The following LRP5 variants were observed in gnomAD, a reference collection of about 807,000 sequenced individuals.
LRP5 encodes the protein low-density lipoprotein receptor-related protein 5.
In LRP5, 62 loss-of-function variants were observed where a neutral mutation model predicts 154.1. The observed-to-expected ratio is 0.40, with a 90% CI of 0.33 to 0.50. The LOEUF (loss-of-function observed/expected upper bound fraction) is 0.50, where lower values mean the gene tolerates loss of function less well. LRP5 is among the 20% of genes least tolerant of loss of function. The pLI is 0.55. For synonymous variants in LRP5, 966 were observed against 1,011.5 expected (o/e 0.96, Z 0.85); for missense variants, 1,915 against 2,336.7 (o/e 0.82, Z 3.72).
chr11:68,321,761 C>T (rs1164999926), intron 1 of LRP5, among the ~76,000 whole-genome samples: 1 of 152,218 alleles, frequency 6.6e-6, no homozygotes, highest in Non-Finnish European at 1.5e-5. Context: ...AATCCCAGAG[C>T]AAAATGTGGG....
At chr11:68,359,864 A>G (rs2098626257) in intron 3 of LRP5, among the ~76,000 whole-genome samples, 1 of 149,920 alleles carries the variant, frequency 6.7e-6, no homozygotes. Flanking sequence ...TTGGCTAACT[A>G]CAACCTCCAC....
At position 68,433,651 on chromosome 11, in the gene LRP5, C is replaced by T. The variant is rs751002704; in HGVS notation, c.3813C>T (p.Ile1271=). ...PDQFACATGE[I]DCIPGAWRCD... ...AGTTTGCATGTGCCACAGGGGAGAT[C>T]GACTGTATCCCCGGGGCCTGGCGCT... Residue 1271 remains isoleucine, a synonymous_variant, in exon 18 of 23, where the codon ATC becomes ATT. Coordinates refer to ENST00000294304, the MANE Select transcript of LRP5 (RefSeq NM_002335.4). 41 of 1,613,476 alleles carry T rather than the reference C, an allele frequency of 2.5e-5. No homozygotes were observed. Among genetic ancestry groups the T allele is most frequent in the Middle Eastern group, 1.6e-4 (1 of 6,062 alleles).
chr11:68,318,286 TCCTC>T (rs1410020586), intron 1 of LRP5, among the ~76,000 whole-genome samples: 2 of 151,454 alleles, frequency 1.3e-5, no homozygotes, highest in South Asian at 4.2e-4. Flanking sequence ...CATCTCCTGA[TCCTC>T]CCGCTCGGCT....
chr11:68,341,649 C>T (rs1240909409), intron 1 of LRP5, among the ~76,000 whole-genome samples: 1 of 152,154 alleles, frequency 6.6e-6, no homozygotes, highest in African/African-American at 2.4e-5. Context: ...ACCCGCCATG[C>T]TACCCCCACA....
At position 68,312,735 on chromosome 11, in the gene LRP5, G is replaced by A. The variant is rs1324803759; in HGVS notation, c.21G>A (p.Gly7=). 1.9e-6 allele frequency: 2 copies of A among 1,055,746 alleles called. No individual in the cohort carries two copies. Among genetic ancestry groups the A allele is most frequent in the Admixed American group, 5.0e-5 (1 of 20,186 alleles). The allele number at this position is 1,055,746 out of a possible 1,614,324, so 65.4% of individuals were successfully genotyped here. The change falls in exon 1 of 23, where the codon GGG becomes GGA. Residue 7 remains glycine, a synonymous_variant. Coordinates refer to ENST00000294304, the MANE Select transcript of LRP5 (RefSeq NM_002335.4). MEAAPP[G]PPWPLLLLLL... is the part of the protein sequence containing the mutation. ...ACAACATGGAGGCAGCGCCGCCCGGGCCGCCGTGGCCGCTGCTGCTGCTGC... is the reference window on the plus strand; with the variant it reads ...ACAACATGGAGGCAGCGCCGCCCGGACCGCCGTGGCCGCTGCTGCTGCTGC...
intron 19 of LRP5, 86 bp downstream of exon 19, chr11:68,437,085 C>T: frequency 8.6e-7 from 1 of 1,163,544 alleles, no homozygotes; most frequent in Non-Finnish European, 1.3e-6. Context: ...CGTGCCTTTC[C>T]AGCGGGGCTG....
upstream of LRP5, among the ~76,000 whole-genome samples, chr11:68,312,339 G>C (rs1008545574): frequency 5.2e-4 from 79 of 151,844 alleles, 1 homozygote; most frequent in Non-Finnish European, 1.0e-4. Flanking sequence ...ACCTGGCTCC[G>C]GGCCCCGATC....
At chr11:68,312,391 C>T (rs866563511), upstream of LRP5, among the ~76,000 whole-genome samples, 78 of 151,228 alleles carry the variant, frequency 5.2e-4, no homozygotes, top group Middle Eastern at 0.038. Context: ...CGCCAAGCCT[C>T]CCGGAGGCAC....
chr11:68,412,289 C>T (rs564161611), intron 11 of LRP5, among the ~76,000 whole-genome samples: 17 of 152,112 alleles, frequency 1.1e-4, no homozygotes, highest in Non-Finnish European at 1.6e-4. Context: ...GGCAACTGTG[C>T]TTAACAAAGG....
At chr11:68,332,218 T>G (rs2098603248) in intron 1 of LRP5, among the ~76,000 whole-genome samples, 1 of 152,202 alleles carries the variant, frequency 6.6e-6, no homozygotes, top group Non-Finnish European at 1.5e-5. Context: ...TTCCCAACAG[T>G]CATATGCCAA....
intron 13 of LRP5, among the ~76,000 whole-genome samples, chr11:68,418,158 G>C (rs1229907743): frequency 2.6e-5 from 4 of 151,884 alleles, no homozygotes; most frequent in African/African-American, 9.7e-5. Flanking sequence ...TTGTATCCTA[G>C]CACTTTGGGA....
chr11:68,369,078 T>C (rs1257827028), intron 5 of LRP5, among the ~76,000 whole-genome samples: 1 of 152,200 alleles, frequency 6.6e-6, no homozygotes, highest in Non-Finnish European at 1.5e-5. Flanking sequence ...CCTCAGGTGA[T>C]CCACCTACCT....
chr11:68,322,496 C>T (rs768366601), intron 1 of LRP5, among the ~76,000 whole-genome samples: 6 of 152,134 alleles, frequency 3.9e-5, no homozygotes, highest in Non-Finnish European at 8.8e-5. Flanking sequence ...ACTTTTTGGC[C>T]TGGCAGGCCG....
At chr11:68,434,027 A>G (rs920282728) in intron 18 of LRP5, among the ~76,000 whole-genome samples, 189 bp downstream of exon 18, 2 of 152,202 alleles carry the variant, frequency 1.3e-5, no homozygotes, top group African/African-American at 4.8e-5. Flanking sequence ...CCCACCAGGT[A>G]GTGTGGCTTG....
rs1379318518 is a variant in LRP5 at position 68,330,761 on chromosome 11, T to A, written c.92-17086T>A. 2.6e-5 allele frequency among the ~76,000 whole-genome samples: 4 copies of A among 152,234 alleles called. No homozygotes were observed. The East Asian group carries it at 7.7e-4, about 29-fold the overall frequency. On this transcript the variant is annotated intron_variant, in intron 1 of 22. Transcript: ENST00000294304. Reference sequence around the variant, plus strand: ...CTGGCTCTCGCAGGAGCGCGATTGGTGTGGGGCGAGCCTGGGGGTGTAGCC... The same window carrying A: ...CTGGCTCTCGCAGGAGCGCGATTGGAGTGGGGCGAGCCTGGGGGTGTAGCC...
intron 2 of LRP5, among the ~76,000 whole-genome samples, chr11:68,355,597 C>T (rs2153134752): frequency 6.6e-6 from 1 of 152,310 alleles, no homozygotes; most frequent in South Asian, 2.1e-4. Flanking sequence ...ACCCTGTGGT[C>T]ACCTCCAAAC....
upstream of LRP5, among the ~76,000 whole-genome samples, chr11:68,309,580 CT>C (rs35335751): frequency 0.32 from 44,286 of 136,888 alleles, 7,404 homozygotes; most frequent in South Asian, 0.59. Flanking sequence ...CTTCATAATG[CT>C]TTTTTTTTTT....
chr11:68,443,617 C>T (rs1431300307), intron 21 of LRP5, among the ~76,000 whole-genome samples: 1 of 99,520 alleles, frequency 1.0e-5, no homozygotes, highest in African/African-American at 4.0e-5. Context: ...TTCAGAAAGG[C>T]CTTCCCTGCT....
upstream of LRP5, among the ~76,000 whole-genome samples, chr11:68,309,272 G>A (rs546819967): frequency 1.8e-4 from 26 of 145,286 alleles, no homozygotes; most frequent in East Asian, 3.1e-3. Flanking sequence ...TTGCTCTGTC[G>A]CCCAAGCTGG....
Sources: allele counts gnomAD v4.1 joint callset (sites outside exome capture counted in the v4.1 genomes callset), GRCh38; gene constraint gnomAD v4.1.1; transcripts MANE v1.5; gene names NCBI Gene and HGNC (gene_info 2026-07-23, HGNC 2026-07-21).